NOC3L: variants seen among roughly 807,000 people sequenced by gnomAD.
NOC3L encodes the protein nucleolar complex protein 3 homolog.
Under a neutral mutation model 102.5 loss-of-function variants are expected in NOC3L, and 85 were observed. The ratio of observed to expected loss-of-function variants is 0.83; its 90% confidence interval spans 0.70 to 0.99. The LOEUF (loss-of-function observed/expected upper bound fraction) is 0.99. Among genes scored for constraint, NOC3L ranks in the 50% least tolerant of loss-of-function variants. The pLI is 0.00. For synonymous variants in NOC3L, 303 were observed against 309.4 expected (o/e 0.98, Z 0.22); for missense variants, 878 against 914.9 (o/e 0.96, Z 0.52).
Position 94,334,025 on chromosome 10 carries a change from G to C in NOC3L, c.*152C>G. The C allele has an allele frequency of 1.9e-6, 1 of 531,812 alleles. No individual in the cohort carries two copies. Among genetic ancestry groups the C allele is most frequent in the South Asian group, 3.1e-5 (1 of 31,858 alleles). The allele number at this position is 531,812 out of a possible 1,614,324, so 32.9% of individuals were successfully genotyped here. A position where few individuals can be genotyped will look rare whatever the true frequency, so the allele number is the denominator to read the frequency against. On this transcript the variant is annotated 3_prime_UTR_variant, in exon 21 of 21. Coordinates refer to ENST00000371361, the MANE Select transcript of NOC3L (RefSeq NM_022451.11). ...ATATTCAGAATAGGGGCAGAACCCT[G>C]TGCCATGCAAAGGGTCATTCTTCCT...
chr10:94,356,299 G>A (rs539735746), intron 5 of NOC3L, among the ~76,000 whole-genome samples: 1 of 152,258 alleles, frequency 6.6e-6, no homozygotes, highest in African/African-American at 2.4e-5. Flanking sequence ...CACACTTCTT[G>A]TATGCCTAGA....
chr10:94,338,800 G>A (rs954511929), intron 17 of NOC3L, 64 bp from the exon 18 acceptor site: 55 of 1,410,406 alleles, frequency 3.9e-5, no homozygotes, highest in Non-Finnish European at 5.2e-5. Flanking sequence ...AGGTGTTACT[G>A]GTTTGTAGTT....
the NOC3L span, among the ~76,000 whole-genome samples, chr10:94,324,737 G>A: frequency 6.6e-6 from 1 of 152,138 alleles, no homozygotes; most frequent in African/African-American, 2.4e-5. Context: ...ACATGTGGCC[G>A]AGCTTGCGGT....
chr10:94,320,262 C>A, the NOC3L span, among the ~76,000 whole-genome samples: 1 of 152,006 alleles, frequency 6.6e-6, no homozygotes, highest in East Asian at 1.9e-4. Context: ...TCTTCCCCCC[C>A]TTCCATTATA....
chr10:94,323,268 G>C, the NOC3L span, among the ~76,000 whole-genome samples: 1 of 152,118 alleles, frequency 6.6e-6, no homozygotes, highest in African/African-American at 2.4e-5. Context: ...TGTTAGGGTA[G>C]GCCATTCATC....
intron 8 of NOC3L, 42 bp from the exon 9 acceptor site, chr10:94,350,330 A>G: frequency 6.4e-7 from 1 of 1,558,186 alleles, no homozygotes; most frequent in East Asian, 2.2e-5. Flanking sequence ...CATTGGTCAA[A>G]AGTTAAACTA....
chr10:94,354,872 G>A (rs777075103), intron 6 of NOC3L, 91 bp downstream of exon 6: 61 of 1,277,484 alleles, frequency 4.8e-5, no homozygotes, highest in Non-Finnish European at 6.4e-5. Context: ...TTTCCTTTTA[G>A]TGTATGCTTA....
At chr10:94,356,657 G>A in intron 4 of NOC3L, 66 bp from the exon 5 acceptor site, 1 of 956,224 alleles carries the variant, frequency 1.0e-6, no homozygotes, top group Non-Finnish European at 1.7e-6. Flanking sequence ...GTAAAGAAAT[G>A]CTAGGAGGTG....
At chr10:94,319,085 G>A in the NOC3L span, among the ~76,000 whole-genome samples, 2 of 152,164 alleles carry the variant, frequency 1.3e-5, no homozygotes, top group African/African-American at 4.8e-5. Context: ...AGGCAGTAGG[G>A]ACCTCAGGAA....
chr10:94,323,920 C>T, the NOC3L span, among the ~76,000 whole-genome samples: 1 of 152,218 alleles, frequency 6.6e-6, no homozygotes, highest in East Asian at 1.9e-4. Context: ...ACATCCAAGA[C>T]TCTGTGATAG....
At chr10:94,357,438 G>C in intron 3 of NOC3L, 107 bp from the exon 4 acceptor site, 1 of 878,202 alleles carries the variant, frequency 1.1e-6, no homozygotes, top group Non-Finnish European at 1.6e-6. Flanking sequence ...CTTTCAATAG[G>C]TATATGGATA....
chr10:94,341,431 T>TAA (rs1285347169), intron 14 of NOC3L, among the ~76,000 whole-genome samples: 2 of 139,902 alleles, frequency 1.4e-5, no homozygotes, highest in Non-Finnish European at 1.6e-5. Flanking sequence ...TGCATCAATT[T>TAA]AAAAAAAAAA....
At chr10:94,322,912 G>A in the NOC3L span, among the ~76,000 whole-genome samples, 3 of 152,026 alleles carry the variant, frequency 2.0e-5, no homozygotes, top group Non-Finnish European at 4.4e-5. Flanking sequence ...AGCCAAAATC[G>A]TGCCACTTTA....
In NOC3L at chr10:94,350,237, T is replaced by C. The variant is rs771277270; in HGVS notation, c.1004A>G (p.Tyr335Cys). Residue 335 changes from tyrosine to cysteine, a missense_variant, in exon 9 of 21, where the codon TAC (tyrosine) becomes TGC (cysteine). Coordinates refer to ENST00000371361, the MANE Select transcript of NOC3L (RefSeq NM_022451.11). ...CACAGCGACTTCTGCCAGTCCTTTG[T>C]ATGCCTTTAAGGAAACTACATTACT... The part of the protein sequence containing the change: ...KKSNVVSLKA[Y>C]KGLAEVAVKS... The C allele has an allele frequency of 1.9e-6, 3 of 1,614,078 alleles. No individual in the cohort carries two copies. The highest frequency in any genetic ancestry group is 2.5e-6 in the Non-Finnish European group (3 of 1,180,032).
At chr10:94,360,105 CAGG>C in intron 2 of NOC3L, among the ~76,000 whole-genome samples, 1 of 152,242 alleles carries the variant, frequency 6.6e-6, no homozygotes, top group African/African-American at 2.4e-5. Context: ...ATCACGAGAT[CAGG>C]AGATCAAGAC....
At chr10:94,354,001 C>A (rs752339147) in intron 6 of NOC3L, among the ~76,000 whole-genome samples, 1 of 152,060 alleles carries the variant, frequency 6.6e-6, no homozygotes, top group Non-Finnish European at 1.5e-5. Flanking sequence ...AAATCTGGAA[C>A]AAATCACTTG....
In NOC3L at chr10:94,362,695, G is replaced by C. The variant is rs555059928; in HGVS notation, c.9+135C>G. On this transcript the variant is annotated intron_variant, in intron 1 of 20. Transcript: ENST00000371361. ...GTAACCAAGGATGAGCTCGGTGTAA[G>C]GAATGGAAAGCCCCCAGTCTAAACC... 1.5e-5 allele frequency: 13 copies of C among 895,020 alleles called. No homozygotes were observed. The African/African-American group carries it at 1.8e-4, about 12-fold the overall frequency. The allele number at this position is 895,020 out of a possible 1,614,324, so 55.4% of individuals were successfully genotyped here.
At chr10:94,325,921 G>A in the NOC3L span, among the ~76,000 whole-genome samples, 2 of 152,240 alleles carry the variant, frequency 1.3e-5, no homozygotes, top group African/African-American at 2.4e-5. Flanking sequence ...TGGCATCCGG[G>A]ATGTGGTTAA....
Position 94,334,286 on chromosome 10 carries a change from T to A in NOC3L, c.2294A>T (p.Asp765Val). Reference protein sequence around the residue: ...PKIKGKFLQGDSFLNEDLNQL... With the variant: ...PKIKGKFLQGVSFLNEDLNQL... Reference sequence around the variant, plus strand: ...ATTTAAATCTTCATTCAAAAATGAATCCCCTTGTAAAAATTTACCCTAGGA... The same window carrying A: ...ATTTAAATCTTCATTCAAAAATGAAACCCCTTGTAAAAATTTACCCTAGGA... Residue 765 changes from aspartate to valine, a missense_variant, in exon 21 of 21, where the codon GAT (aspartate) becomes GTT (valine). Asp to Val is a radical substitution (Grantham distance 152). Coordinates refer to ENST00000371361, the MANE Select transcript of NOC3L (RefSeq NM_022451.11). 1.2e-6 allele frequency: 2 copies of A among 1,604,448 alleles called. No homozygotes were observed. The highest frequency in any genetic ancestry group is 1.7e-6 in the Non-Finnish European group (2 of 1,173,136).
Sources: allele counts gnomAD v4.1 joint callset (sites outside exome capture counted in the v4.1 genomes callset), GRCh38; gene constraint gnomAD v4.1.1; transcripts MANE v1.5; gene names NCBI Gene and HGNC (gene_info 2026-07-23, HGNC 2026-07-21).